Variants in CALN1 observed in about 807,000 individuals in gnomAD.
CALN1 encodes the protein calcium-binding protein 8.
Under a neutral mutation model 30.6 loss-of-function variants are expected in CALN1, and 17 were observed. The ratio of observed to expected loss-of-function variants is 0.56; its 90% CI spans 0.38 to 0.83. CALN1 has a LOEUF of 0.83. Ranked by LOEUF, CALN1 falls within the 40% of genes least tolerant of loss-of-function variation. The probability of loss-of-function intolerance (pLI) is 0.00; values close to 1 mark genes in which losing one functional copy is unlikely to be tolerated. For synonymous variants in CALN1, 156 were observed against 131.4 expected (o/e 1.19, Z -1.28); for missense variants, 291 against 354.9 (o/e 0.82, Z 1.45).
chr7:72,403,117 A>T, intron 2 of CALN1, 134 bp downstream of exon 2: 1 of 623,632 alleles, frequency 1.6e-6, no homozygotes, highest in East Asian at 2.8e-5. Context: ...CAGCTCTCCC[A>T]GGTGTCCATT....
At chr7:72,427,704 C>T (rs369148449) in intron 1 of CALN1, among the ~76,000 whole-genome samples, 20 of 151,840 alleles carry the variant, frequency 1.3e-4, no homozygotes, top group African/African-American at 4.6e-4. Context: ...GAGTCTTGAA[C>T]TCCTGGCCTC....
intron 5 of CALN1, among the ~76,000 whole-genome samples, chr7:71,876,335 T>C (rs1041165073): frequency 3.3e-5 from 5 of 152,164 alleles, no homozygotes; most frequent in Non-Finnish European, 7.3e-5. Context: ...TGGGTTGTTA[T>C]AAAGCAAGGT....
chr7:72,043,350 G>A (rs1383341863), intron 4 of CALN1, among the ~76,000 whole-genome samples: 1 of 152,150 alleles, frequency 6.6e-6, no homozygotes, highest in Non-Finnish European at 1.5e-5. Flanking sequence ...CCATTTCCCA[G>A]GGGAGCAGAA....
At chr7:71,823,012 T>C (rs990980153) in intron 5 of CALN1, among the ~76,000 whole-genome samples, 6 of 152,216 alleles carry the variant, frequency 3.9e-5, no homozygotes, top group African/African-American at 4.8e-5. Context: ...TATTTGACAA[T>C]GAAACACTTG....
chr7:72,140,178 A>G (rs10280044), intron 3 of CALN1, among the ~76,000 whole-genome samples: 82,887 of 151,430 alleles, frequency 0.55, 22,908 homozygotes, highest in East Asian at 0.68. Flanking sequence ...GACTGAGGCA[A>G]GAGGATCACT....
chr7:71,993,434 C>T (rs553281969), intron 5 of CALN1, among the ~76,000 whole-genome samples: 1 of 150,750 alleles, frequency 6.6e-6, no homozygotes, highest in East Asian at 2.0e-4. Context: ...CCGCTGCACC[C>T]CAGCCTGGGC....
At chr7:71,836,670 G>A (rs1352377739) in intron 5 of CALN1, among the ~76,000 whole-genome samples, 2 of 149,010 alleles carry the variant, frequency 1.3e-5, no homozygotes, top group Non-Finnish European at 3.0e-5. Flanking sequence ...CCAGGCTGGA[G>A]TGCAGTGGCG....
the CALN1 span, among the ~76,000 whole-genome samples, chr7:72,460,625 C>T: frequency 1.3e-5 from 2 of 151,992 alleles, no homozygotes; most frequent in Non-Finnish European, 2.9e-5. Context: ...GATTGAGACT[C>T]AGTCTCAAAA....
chr7:71,858,954 C>A (rs1367076914), intron 5 of CALN1, among the ~76,000 whole-genome samples: 1 of 152,178 alleles, frequency 6.6e-6, no homozygotes, highest in Admixed American at 6.5e-5. Context: ...TTGACTGAGA[C>A]CTGTCTCGGA....
At chr7:72,203,976 TC>T in intron 3 of CALN1, among the ~76,000 whole-genome samples, 2 of 105,254 alleles carry the variant, frequency 1.9e-5, no homozygotes, top group African/African-American at 8.9e-5. Flanking sequence ...AAGAGGCCTC[TC>T]TCTTTTTTTT....
At chr7:72,163,394 A>C in intron 3 of CALN1, among the ~76,000 whole-genome samples, 1 of 46,390 alleles carries the variant, frequency 2.2e-5, no homozygotes. Flanking sequence ...TTGGAGATTA[A>C]AAAAAAAAAA....
At chr7:72,023,444 CA>C (rs1009382370) in intron 5 of CALN1, among the ~76,000 whole-genome samples, 2 of 149,550 alleles carry the variant, frequency 1.3e-5, no homozygotes, top group East Asian at 2.0e-4. Flanking sequence ...TTCCCTAATG[CA>C]AAAAAAAATT....
intron 5 of CALN1, among the ~76,000 whole-genome samples, chr7:71,981,170 T>C (rs933544360): frequency 7.9e-5 from 12 of 152,182 alleles, no homozygotes; most frequent in Admixed American, 7.9e-4. Context: ...GTTATAGTCT[T>C]TTGTTATAAT....
rs772198450 is a variant in CALN1, at chr7:72,421,573, CTTTTTTTTTTT to C, written c.-225-9309_-225-9299del. ...GATGATAAGATTTCATTTTATCCTA[CTTTTTTTTTTT>C]TTTTTTTTTTTTTTTTTAGACTAAG... On this transcript the variant is annotated intron_variant, in intron 1 of 6. Transcript: ENST00000395276. Among the ~76,000 whole-genome samples, 185 of 58,618 alleles carry C rather than the reference CTTTTTTTTTTT, an allele frequency of 3.2e-3. 1 individual carries two copies. The highest frequency in any genetic ancestry group is 0.015 in the African/African-American group (173 of 11,808). 38.5% of individuals were successfully genotyped at this position (58,618 alleles called of 152,430 possible).
At chr7:72,494,378 G>T in the CALN1 span, among the ~76,000 whole-genome samples, 1 of 152,234 alleles carries the variant, frequency 6.6e-6, no homozygotes, top group East Asian at 1.9e-4. Context: ...ACCTTTATTT[G>T]TTCACTAATC....
chr7:72,144,029 C>CCA lies in CALN1; in HGVS notation c.245-37736_245-37735insTG, dbSNP rs1326070601. ...CTAGCCACTGCAAAAACATGCCAAA[C>CCA]TGTAAAGACCATCGAGGCTAGGAAG... On this transcript the variant is annotated intron_variant, in intron 3 of 6. Coordinates refer to ENST00000395275, the MANE Select transcript of CALN1 (RefSeq NM_031468.4). Among the ~76,000 whole-genome samples the CCA allele has an allele frequency of 2.6e-3, 390 of 152,268 alleles. 4 individuals are homozygous for CCA. Among genetic ancestry groups the CCA allele is most frequent in the African/African-American group, 8.7e-3 (362 of 41,564 alleles).
chr7:72,100,627 G>A (rs1806584544), intron 4 of CALN1, among the ~76,000 whole-genome samples: 1 of 151,848 alleles, frequency 6.6e-6, no homozygotes, highest in Admixed American at 6.6e-5. Flanking sequence ...GACCATCCTG[G>A]CTAACACAGT....
At chr7:72,054,737 A>G (rs1486477143) in intron 4 of CALN1, among the ~76,000 whole-genome samples, 3 of 151,844 alleles carry the variant, frequency 2.0e-5, no homozygotes, top group African/African-American at 7.3e-5. Context: ...GAAGAGGGGA[A>G]CAACAGATAC....
intron 3 of CALN1, among the ~76,000 whole-genome samples, chr7:72,252,638 A>G (rs577434327): frequency 2.6e-5 from 4 of 151,056 alleles, no homozygotes; most frequent in East Asian, 2.0e-4. Flanking sequence ...CAGAGGAAGG[A>G]AGGGAGGGAG....
Sources: gnomAD v4.1 joint callset for allele counts (sites outside exome capture counted in the v4.1 genomes callset) on GRCh38, gnomAD v4.1.1 for gene constraint, MANE v1.5 for transcripts, NCBI Gene and HGNC (gene_info 2026-07-23, HGNC 2026-07-21) for gene names.